CDCA2: variants seen among roughly 807,000 people sequenced by gnomAD.
The protein encoded by CDCA2 is cell division cycle associated 2.
CDCA2 carries 44 observed loss-of-function variants against 67.0 expected under a neutral mutation model. The ratio of observed to expected loss-of-function variants is 0.66; its 90% CI spans 0.52 to 0.84. CDCA2 has a LOEUF of 0.84. Ranked by LOEUF, CDCA2 falls within the 40% of genes least tolerant of loss-of-function variation. The pLI is 0.00. For synonymous variants in CDCA2, 447 were observed against 418.7 expected (o/e 1.07, Z -0.82); for missense variants, 1,253 against 1,203.2 (o/e 1.04, Z -0.61).
chr8:25,470,485 C>T (rs557991947), intron 7 of CDCA2, among the ~76,000 whole-genome samples: 2 of 152,198 alleles, frequency 1.3e-5, no homozygotes, highest in South Asian at 2.1e-4. Flanking sequence ...TGGAATATTT[C>T]GCCTATTAAC....
chr8:25,492,580 T>C (rs1804054770), intron 13 of CDCA2, among the ~76,000 whole-genome samples: 1 of 152,238 alleles, frequency 6.6e-6, no homozygotes, highest in Admixed American at 6.5e-5. Flanking sequence ...GAAACATTAC[T>C]GTGATTTCAA....
At chr8:25,469,340 A>G (rs889413334) in intron 6 of CDCA2, among the ~76,000 whole-genome samples, 1 of 152,216 alleles carries the variant, frequency 6.6e-6, no homozygotes, top group Non-Finnish European at 1.5e-5. Context: ...CGCCCTTTTC[A>G]GGTTGATGTG....
chr8:25,461,632 T>A (rs1329566117), intron 3 of CDCA2, among the ~76,000 whole-genome samples: 1 of 152,200 alleles, frequency 6.6e-6, no homozygotes, highest in Admixed American at 6.5e-5. Context: ...AACAATCATC[T>A]TGAAGAATTA....
intron 13 of CDCA2, among the ~76,000 whole-genome samples, chr8:25,491,668 G>C (rs887671844): frequency 1.3e-5 from 2 of 152,204 alleles, no homozygotes; most frequent in Non-Finnish European, 2.9e-5. Flanking sequence ...CCAGGCTGGA[G>C]TGTAGTGCTG....
At chr8:25,464,076 T>C (rs1035084016) in intron 4 of CDCA2, among the ~76,000 whole-genome samples, 2 of 152,218 alleles carry the variant, frequency 1.3e-5, no homozygotes, top group African/African-American at 2.4e-5. Context: ...AGCACCTCTT[T>C]TACCTGTAAC....
chr8:25,476,695 A>T (rs191433121), intron 7 of CDCA2, among the ~76,000 whole-genome samples: 231 of 152,028 alleles, frequency 1.5e-3, no homozygotes, highest in African/African-American at 5.3e-3. Flanking sequence ...CTGGGACTAC[A>T]GGTGCCCGCC....
intron 3 of CDCA2, among the ~76,000 whole-genome samples, chr8:25,460,899 T>C (rs541255618): frequency 7.1e-4 from 108 of 152,302 alleles, no homozygotes; most frequent in African/African-American, 2.3e-3. Flanking sequence ...TTTTCATTTA[T>C]GGCAAAAATA....
chr8:25,488,139 A>G (rs1274075665), intron 12 of CDCA2, among the ~76,000 whole-genome samples: 1 of 152,174 alleles, frequency 6.6e-6, no homozygotes, highest in Non-Finnish European at 1.5e-5. Context: ...ATATACTGTT[A>G]TGGGGTATTT....
At chr8:25,496,972 A>C (rs1417651605) in intron 13 of CDCA2, among the ~76,000 whole-genome samples, 1 of 152,216 alleles carries the variant, frequency 6.6e-6, no homozygotes, top group African/African-American at 2.4e-5. Context: ...TGGGGTTTTT[A>C]GTAGAAAAAG....
intron 5 of CDCA2, among the ~76,000 whole-genome samples, chr8:25,467,054 AAAAAAAAAAAAAC>A (rs1167648745): frequency 2.1e-5 from 3 of 140,982 alleles, no homozygotes; most frequent in Non-Finnish European, 4.6e-5. Context: ...AAAAAAAAAA[AAAAAAAAAAAAAC>A]ACACACACAC....
intron 7 of CDCA2, among the ~76,000 whole-genome samples, chr8:25,471,251 C>A (rs57677726): frequency 0.3 from 46,023 of 152,092 alleles, 7,021 homozygotes; most frequent in Non-Finnish European, 0.31. Flanking sequence ...TAATTTTAAT[C>A]ATAAGATAAA....
In CDCA2 at chr8:25,459,373, G is replaced by A. The variant is rs1446916655; in HGVS notation, c.-101G>A. On this transcript the variant is annotated 5_prime_UTR_variant, in exon 1 of 15. Coordinates refer to ENST00000330560, the MANE Select transcript of CDCA2 (RefSeq NM_152562.4). ...GCCAGGAGAGCCCTTCCGGACAGAG[G>A]AGCCGGGGTCTGGAAGGAGCGGCCG... 3.9e-5 allele frequency: 6 copies of A among 152,232 alleles called. No homozygotes were observed. Among genetic ancestry groups the A allele is most frequent in the African/African-American group, 1.4e-4 (6 of 41,418 alleles). 9.4% of individuals were successfully genotyped at this position (152,232 alleles called of 1,614,324 possible). A position where few individuals can be genotyped will look rare whatever the true frequency, so the allele number is the denominator to read the frequency against.
intron 13 of CDCA2, among the ~76,000 whole-genome samples, chr8:25,493,199 C>T (rs1025576731): frequency 6.6e-6 from 1 of 151,904 alleles, no homozygotes; most frequent in Non-Finnish European, 1.5e-5. Context: ...AACTGAAGAG[C>T]CACAATTAAC....
chr8:25,507,011 T>G lies in CDCA2; in HGVS notation c.2345T>G (p.Leu782Ter). The G allele has an allele frequency of 6.2e-7, 1 of 1,614,174 alleles. No homozygotes were observed. ...GAAGGAAAACTGCAATGCAATCGTT[T>G]AATGCCTAATTCACAAAAAGACTGT... ...AAEGKLQCNR[L>*]MPNSQKDCHC... The change falls in exon 15 of 15, where the codon TTA (leucine) becomes TGA (stop). Residue 782 changes from leucine (L) to a stop codon, truncating the protein, a stop_gained. Transcript: ENST00000330560. LOFTEE classifies it low-confidence loss of function (END_TRUNC).
At chr8:25,503,674 C>T (rs963221174) in intron 14 of CDCA2, 130 bp downstream of exon 14, 175 of 815,400 alleles carry the variant, frequency 2.1e-4, no homozygotes, top group Non-Finnish European at 2.9e-4. Context: ...GCAATGTTTC[C>T]TCACATTACC....
Position 25,469,064 on chromosome 8 carries a change from A to AGAGCTGGTCT in CDCA2, c.735+652_735+661dup, listed in dbSNP as rs556865952. Among the ~76,000 whole-genome samples the AGAGCTGGTCT allele has an allele frequency of 1.6e-4, 24 of 152,354 alleles. No homozygotes were observed. In the East Asian group the frequency reaches 4.2e-3, roughly 27 times the overall value. On this transcript the variant is annotated intron_variant, in intron 6 of 14. Coordinates refer to ENST00000330560, the MANE Select transcript of CDCA2 (RefSeq NM_152562.4). ...TTGACCTGCGCGCACGCGTGAATGG[A>AGAGCTGGTCT]GAGCTGGTCTCTCGTGACGGACTTT...
intron 7 of CDCA2, 28 bp downstream of exon 7, chr8:25,470,008 C>T (rs1484885934): frequency 7.0e-7 from 1 of 1,420,982 alleles, no homozygotes. Flanking sequence ...AGTACATGGC[C>T]AGTTGCCCGA....
intron 9 of CDCA2, 32 bp downstream of exon 9, chr8:25,483,518 G>A (rs1348156014): frequency 1.3e-6 from 2 of 1,482,766 alleles, no homozygotes; most frequent in Non-Finnish European, 9.3e-7. Flanking sequence ...TTAAGCTTGA[G>A]GATATCATTT....
intron 7 of CDCA2, among the ~76,000 whole-genome samples, chr8:25,478,492 C>T (rs973627093): frequency 1.3e-5 from 2 of 152,108 alleles, no homozygotes; most frequent in African/African-American, 4.8e-5. Flanking sequence ...TATCTCACTG[C>T]CCTCCTCAAA....
Sources: gnomAD v4.1 joint callset for allele counts (sites outside exome capture counted in the v4.1 genomes callset) on GRCh38, gnomAD v4.1.1 for gene constraint, MANE v1.5 for transcripts, NCBI Gene and HGNC (gene_info 2026-07-23, HGNC 2026-07-21) for gene names.